GAS7: variants seen among roughly 807,000 people sequenced by gnomAD.
The protein encoded by GAS7 is growth arrest-specific protein 7.
In GAS7, 28 loss-of-function variants were observed where a neutral mutation model predicts 71.1. The ratio of observed to expected loss-of-function variants is 0.39; its 90% CI spans 0.29 to 0.54. GAS7 has a LOEUF of 0.54. GAS7 is among the 20% of genes least tolerant of loss of function. GAS7 has a pLI of 0.62. For synonymous variants in GAS7, 258 were observed against 245.8 expected (o/e 1.05, Z -0.46); for missense variants, 436 against 627.8 (o/e 0.69, Z 3.27).
At chr17:9,933,265 A>T (rs1391903995) in intron 9 of GAS7, among the ~76,000 whole-genome samples, 1 of 152,164 alleles carries the variant, frequency 6.6e-6, no homozygotes. Flanking sequence ...AACAACCACA[A>T]ATTTAAAAAA....
intron 13 of GAS7, among the ~76,000 whole-genome samples, 174 bp downstream of exon 13, chr17:9,917,827 G>T (rs544061644): frequency 6.6e-6 from 1 of 152,330 alleles, no homozygotes; most frequent in African/African-American, 2.4e-5. Flanking sequence ...AGACGTCCAG[G>T]ACAATCCTGA....
At chr17:9,929,524 G>A (rs1360204510) in intron 9 of GAS7, among the ~76,000 whole-genome samples, 2 of 152,016 alleles carry the variant, frequency 1.3e-5, no homozygotes, top group African/African-American at 4.8e-5. Flanking sequence ...TCCCAGGCTG[G>A]AGTGCAATGG....
intron 1 of GAS7, among the ~76,000 whole-genome samples, chr17:10,098,548 G>A (rs2073667331): frequency 6.6e-6 from 1 of 152,248 alleles, no homozygotes; most frequent in African/African-American, 2.4e-5. Context: ...CGAGACAGCA[G>A]AGGAAGAGTG....
chr17:10,049,722 G>A (rs1051237277), intron 1 of GAS7, among the ~76,000 whole-genome samples: 2 of 136,828 alleles, frequency 1.5e-5, no homozygotes, highest in Non-Finnish European at 3.1e-5. Flanking sequence ...CTGGGTTCAC[G>A]CCATTCTCCA....
At chr17:10,112,895 T>A (rs2073827710) in intron 1 of GAS7, among the ~76,000 whole-genome samples, 1 of 151,774 alleles carries the variant, frequency 6.6e-6, no homozygotes, top group African/African-American at 2.4e-5. Context: ...TCCAGTAGTG[T>A]CATCACAAGT....
In GAS7 at chr17:9,926,664, T is replaced by C. The variant is rs758153641; in HGVS notation, c.991A>G (p.Ser331Gly). 1.2e-6 allele frequency: 2 copies of C among 1,613,806 alleles called. No individual in the cohort carries two copies. Among genetic ancestry groups the C allele is most frequent in the South Asian group, 1.1e-5 (1 of 91,068 alleles). The change falls in exon 10 of 14, where the codon AGC (serine) becomes GGC (glycine). Residue 331 changes from serine (S) to glycine (G), a missense_variant. Transcript: ENST00000432992. The surrounding 1 kb of genome is among the most constrained non-coding windows in gnomAD (Gnocchi z 5.0). ...HIADLRKQLA[S>G]RYASVEKARK... ...ACCTTCTCCACCGAGGCATAGCGGC[T>C]GGCGAGCTGCTTGCGAAGGTCGGCA... is the stretch of plus-strand genomic sequence containing the variant.
chr17:9,987,728 C>T (rs8081764), intron 2 of GAS7, among the ~76,000 whole-genome samples: 48,686 of 152,192 alleles, frequency 0.32, 9,327 homozygotes, highest in African/African-American at 0.54. Flanking sequence ...GCCCCTTCTT[C>T]AAAATAATAA....
At chr17:10,047,820 G>A (rs535236154) in intron 1 of GAS7, among the ~76,000 whole-genome samples, 21 of 152,182 alleles carry the variant, frequency 1.4e-4, no homozygotes, top group South Asian at 6.2e-4. Flanking sequence ...AGTGACTTGC[G>A]GGGCTAACAG....
intron 1 of GAS7, among the ~76,000 whole-genome samples, chr17:10,049,609 C>CTTTTTTTTTTT (rs1168627510): frequency 1.4e-5 from 1 of 70,396 alleles, no homozygotes; most frequent in Non-Finnish European, 2.8e-5. Flanking sequence ...GAAATTACTT[C>CTTTTTTTTTTT]TTTTTTTTTT....
At chr17:10,125,633 A>G (rs1207728494) in intron 1 of GAS7, among the ~76,000 whole-genome samples, 2 of 149,658 alleles carry the variant, frequency 1.3e-5, no homozygotes. Context: ...GAAAGAGGGG[A>G]GTAAAGGGTG....
At chr17:9,964,313 C>G (rs967434809) in intron 4 of GAS7, among the ~76,000 whole-genome samples, 2 of 152,068 alleles carry the variant, frequency 1.3e-5, no homozygotes, top group Non-Finnish European at 2.9e-5. Flanking sequence ...CCATTTCCTC[C>G]CCCCCTGCAA....
At chr17:9,990,074 C>T (rs2070782544) in intron 2 of GAS7, among the ~76,000 whole-genome samples, 1 of 152,078 alleles carries the variant, frequency 6.6e-6, no homozygotes, top group African/African-American at 2.4e-5. Context: ...TCAAGACCAT[C>T]CTGGCTAACA....
intron 1 of GAS7, among the ~76,000 whole-genome samples, chr17:10,035,662 C>T (rs1188106804): frequency 6.6e-6 from 1 of 152,124 alleles, no homozygotes; most frequent in African/African-American, 2.4e-5. Flanking sequence ...TACAGAGCCT[C>T]AAGAGAGTGA....
chr17:9,925,705 T>C, intron 10 of GAS7, 106 bp from the exon 11 acceptor site: 1 of 1,247,860 alleles, frequency 8.0e-7, no homozygotes, highest in South Asian at 1.3e-5. Flanking sequence ...CCCTTGTTTG[T>C]GTGGATGATG....
intron 2 of GAS7, among the ~76,000 whole-genome samples, chr17:10,011,272 A>C (rs991649323): frequency 1.3e-5 from 2 of 152,188 alleles, no homozygotes; most frequent in Non-Finnish European, 2.9e-5. Flanking sequence ...TTGGGCTTGG[A>C]TGAAGCATCA....
intron 1 of GAS7, among the ~76,000 whole-genome samples, chr17:10,118,838 G>A (rs1457709616): frequency 1.3e-5 from 2 of 151,808 alleles, no homozygotes; most frequent in East Asian, 3.9e-4. Context: ...AGCCTGTGCA[G>A]CACCTCCCAG....
chr17:9,996,292 A>G (rs1415949986), intron 2 of GAS7, among the ~76,000 whole-genome samples: 1 of 152,060 alleles, frequency 6.6e-6, no homozygotes, highest in East Asian at 1.9e-4. Flanking sequence ...GAAGCTGGAA[A>G]CCATCATTCT....
intron 2 of GAS7, among the ~76,000 whole-genome samples, chr17:10,007,889 C>G (rs537335477): frequency 6.2e-5 from 9 of 145,032 alleles, no homozygotes; most frequent in African/African-American, 2.5e-4. Context: ...AGTCACTCGC[C>G]ATTAATTCCA....
chr17:9,987,939 C>CCA (rs1181184895), intron 2 of GAS7, among the ~76,000 whole-genome samples: 1 of 152,236 alleles, frequency 6.6e-6, no homozygotes, highest in African/African-American at 2.4e-5. Flanking sequence ...CCTCTGGCCC[C>CCA]CAGTGGCCTC....
Sources: allele counts gnomAD v4.1 joint callset (sites outside exome capture counted in the v4.1 genomes callset), GRCh38; gene constraint gnomAD v4.1.1; non-coding constraint Gnocchi (gnomAD v3.1); transcripts MANE v1.5; gene names NCBI Gene and HGNC (gene_info 2026-07-23, HGNC 2026-07-21).